MID1: variants seen among roughly 807,000 people sequenced by gnomAD.
MID1 encodes the protein midline 1, also known as E3 ubiquitin-protein ligase Midline-1.
Under a neutral mutation model 40.4 loss-of-function variants are expected in MID1, and 7 were observed. The ratio of observed to expected loss-of-function variants is 0.17; its 90% CI spans 0.10 to 0.33. The LOEUF is 0.33. Among genes scored for constraint, MID1 ranks in the 10% least tolerant of loss-of-function variants. The probability of loss-of-function intolerance (pLI) is 1.00; values close to 1 mark genes in which losing one functional copy is unlikely to be tolerated. For synonymous variants in MID1, 229 were observed against 221.2 expected, an observed-to-expected ratio of 1.04 and a Z score of -0.31; for missense variants, 367 against 558.5, an observed-to-expected ratio of 0.66 and a Z score of 3.46.
intron 2 of MID1, among the ~76,000 whole-genome samples, chrX:10,555,166 C>CA (rs1311062915): frequency 9.0e-6 from 1 of 111,705 alleles, no homozygotes; most frequent in African/African-American, 3.3e-5. Flanking sequence ...GAAGGGCTAG[C>CA]AGTCCAGCCC....
chrX:10,780,670 T>C (rs761837333), intron 1 of MID1, among the ~76,000 whole-genome samples: 16 of 111,915 alleles, frequency 1.4e-4, no homozygotes, highest in Non-Finnish European at 2.4e-4. Context: ...GAAACACAGA[T>C]GAAAGAAGTG....
In MID1 at chrX:10,779,965, G is replaced by GT. The variant is rs57464977; in HGVS notation, c.-187+53588dup. On this transcript the variant is annotated intron_variant, in intron 1 of 10. Coordinates refer to the MID1 transcript ENST00000380785. ...AGAGAGTCCTATTTTTCTTTTCTTT[G>GT]TTTTTTTTTTGAGATGGAGTCTTGC... Among the ~76,000 whole-genome samples the GT allele has an allele frequency of 8.9e-3, 926 of 104,628 alleles. 22 individuals carry two copies. Among genetic ancestry groups the GT allele is most frequent in the Admixed American group, 0.062 (604 of 9,767 alleles). 90.9% of individuals were successfully genotyped at this position (104,628 alleles called of 115,157 possible).
At chrX:10,469,468 A>G in intron 7 of MID1, 1 of 1,107,934 alleles carries the variant, frequency 9.0e-7, no homozygotes. Flanking sequence ...TCTTTCCCTT[A>G]ACATCCATGT....
At chrX:10,757,795 C>T (rs1294080987) in intron 1 of MID1, among the ~76,000 whole-genome samples, 1 of 110,889 alleles carries the variant, frequency 9.0e-6, no homozygotes, top group African/African-American at 3.3e-5. Flanking sequence ...TTCTGAACAA[C>T]GTAGTTATTT....
intron 9 of MID1, 54 bp from the exon 10 acceptor site, chrX:10,449,770 GT>G: frequency 1.2e-6 from 1 of 869,429 alleles, no homozygotes; most frequent in South Asian, 2.1e-5. Flanking sequence ...GCACATGCAC[GT>G]TAAATCCGTT....
intron 1 of MID1, among the ~76,000 whole-genome samples, chrX:10,675,583 A>G (rs754752644): frequency 8.9e-6 from 1 of 111,806 alleles, no homozygotes; most frequent in South Asian, 3.8e-4. Flanking sequence ...TTCAGACTGA[A>G]TCAATATATT....
chrX:10,772,275 T>C (rs933945912), intron 1 of MID1, among the ~76,000 whole-genome samples: 3 of 111,370 alleles, frequency 2.7e-5, no homozygotes, highest in African/African-American at 9.8e-5. Flanking sequence ...CTCGATGATA[T>C]TGAAGACCAT....
At chrX:10,780,620 G>C (rs2043838817) in intron 1 of MID1, among the ~76,000 whole-genome samples, 1 of 112,103 alleles carries the variant, frequency 8.9e-6, no homozygotes, top group African/African-American at 3.2e-5. Context: ...TTTAAATAGA[G>C]TTGGGAAGAA....
chrX:10,679,240 G>C (rs1376155021), intron 1 of MID1, among the ~76,000 whole-genome samples: 2 of 112,268 alleles, frequency 1.8e-5, no homozygotes, highest in East Asian at 5.6e-4. Context: ...GTGCTGAAGA[G>C]GGCATGGGGC....
intron 1 of MID1, among the ~76,000 whole-genome samples, chrX:10,685,813 T>C (rs1435187255): frequency 2.8e-5 from 3 of 108,997 alleles, no homozygotes; most frequent in African/African-American, 1.0e-4. Flanking sequence ...AATCTGTCTT[T>C]TGTGAGTTGA....
chrX:10,694,338 C>G (rs1602521081), intron 1 of MID1, among the ~76,000 whole-genome samples: 2 of 112,345 alleles, frequency 1.8e-5, no homozygotes, highest in African/African-American at 6.5e-5. Context: ...TTTCTCCACT[C>G]TTTATTTCCC....
chrX:10,496,578 G>C (rs747615806), intron 3 of MID1, among the ~76,000 whole-genome samples: 7 of 112,644 alleles, frequency 6.2e-5, no homozygotes, highest in Non-Finnish European at 1.1e-4. Flanking sequence ...CACAGGAGAA[G>C]TTGCAATGTT....
chrX:10,446,590 T>C lies in MID1; in HGVS notation c.*2778A>G, dbSNP rs1476631079. The C allele has an allele frequency of 8.9e-6, 1 of 112,239 alleles. No homozygotes were observed. The highest frequency in any genetic ancestry group is 9.4e-5 in the Admixed American group (1 of 10,599). The allele number at this position is 112,239 out of a possible 1,213,427, so 9.2% of individuals were successfully genotyped here. On this transcript the variant is annotated 3_prime_UTR_variant, in exon 10 of 10. Coordinates refer to ENST00000317552, the MANE Select transcript of MID1 (RefSeq NM_000381.4). ...ATCGCCAGCAACTTTCAACTTTGGA[T>C]CCAGATTTCTTTATTTGTATCCACC...
intron 2 of MID1, among the ~76,000 whole-genome samples, chrX:10,563,671 G>C (rs1327393144): frequency 9.0e-6 from 1 of 111,687 alleles, no homozygotes; most frequent in Non-Finnish European, 1.9e-5. Context: ...GTAGAGTTCA[G>C]GAAATGCTAC....
At chrX:10,765,014 C>T (rs1390985452) in intron 1 of MID1, among the ~76,000 whole-genome samples, 1 of 111,942 alleles carries the variant, frequency 8.9e-6, no homozygotes, top group Non-Finnish European at 1.9e-5. Context: ...GGCTCTCACA[C>T]AAACCCAATA....
chrX:10,460,102 G>C (rs1027465075), intron 7 of MID1: 18 of 366,097 alleles, frequency 4.9e-5, no homozygotes, highest in Admixed American at 8.9e-5. Context: ...CAAGTGACTT[G>C]CTTTGGTCAA....
chrX:10,814,127 T>C (rs2044119869), intron 1 of MID1, among the ~76,000 whole-genome samples: 1 of 111,857 alleles, frequency 8.9e-6, no homozygotes, highest in Non-Finnish European at 1.9e-5. Context: ...AAACCATTCT[T>C]AGCTCACAGG....
intron 5 of MID1, among the ~76,000 whole-genome samples, chrX:10,480,719 A>T (rs1253551283): frequency 2.7e-5 from 3 of 112,015 alleles, no homozygotes; most frequent in African/African-American, 9.7e-5. Context: ...TCTTAAGTAC[A>T]TAACAGGGAT....
In MID1 at chrX:10,489,183, G is replaced by A. The variant is rs6639017; in HGVS notation, c.864+6401C>T. On this transcript the variant is annotated intron_variant, in intron 4 of 9. Coordinates refer to ENST00000317552, the MANE Select transcript of MID1 (RefSeq NM_000381.4). The stretch of plus-strand genomic sequence containing the variant: ...TTGTAAATATTTTCGCCTAGTTTGT[G>A]GTTGGTCTTTTCAGTCTCTTAACAG... 6.5e-3 allele frequency among the ~76,000 whole-genome samples: 725 copies of A among 111,421 alleles called. 7 individuals carry two copies. The highest frequency in any genetic ancestry group is 0.022 in the African/African-American group (672 of 30,673).
Sources: allele counts gnomAD v4.1 joint callset (sites outside exome capture counted in the v4.1 genomes callset), GRCh38; gene constraint gnomAD v4.1.1; transcripts MANE v1.5; gene names NCBI Gene and HGNC (gene_info 2026-07-23, HGNC 2026-07-21).